The following MTMR11 variants were observed in gnomAD, a reference collection of about 807,000 sequenced individuals.
MTMR11 encodes myotubularin-related protein 11.
In MTMR11, 89 loss-of-function variants were observed where a neutral mutation model predicts 100.0. That is an observed-to-expected ratio of 0.89 (90% CI 0.75 to 1.06). The LOEUF (loss-of-function observed/expected upper bound fraction) is 1.06. Among genes scored for constraint, MTMR11 ranks in the 50% least tolerant of loss-of-function variants. The pLI is 0.00. For synonymous variants in MTMR11, 336 were observed against 326.3 expected, an observed-to-expected ratio of 1.03 and a Z score of -0.32; for missense variants, 809 against 873.7, an observed-to-expected ratio of 0.93 and a Z score of 0.93.
intron 10 of MTMR11, among the ~76,000 whole-genome samples, chr1:149,932,900 G>A (rs1157690098): frequency 2.6e-5 from 4 of 151,140 alleles, no homozygotes; most frequent in African/African-American, 4.9e-5. Context: ...GCAGTGAGCC[G>A]AGATCACGCC....
At chr1:149,933,776 C>T (rs1553768230) in intron 8 of MTMR11, 78 bp from the exon 9 acceptor site, 4 of 1,606,960 alleles carry the variant, frequency 2.5e-6, no homozygotes, top group South Asian at 1.1e-5. Flanking sequence ...ACTGACCTCA[C>T]AGAGGTTCCT....
Position 149,931,993 on chromosome 1 carries a change from A to G in MTMR11, c.1074T>C (p.Ser358=), listed in dbSNP as rs2092666317. The change falls in exon 12 of 17, where the codon AGT becomes AGC. Residue 358 remains serine, a synonymous_variant. Transcript: ENST00000439741. The stretch of plus-strand genomic sequence containing the variant: ...TGGATGTCACTAATACTGAAATGTC[A>G]CTGGCCTTTCGAAGACAAGCCCTGG... ...DYVRACLRKA[S]DISVLVTSRV... 1.2e-6 allele frequency: 2 copies of G among 1,613,890 alleles called. No homozygotes were observed.
chr1:149,930,722 TCAAGAC>T, intron 14 of MTMR11, 64 bp downstream of exon 14: 3 of 1,475,418 alleles, frequency 2.0e-6, no homozygotes, highest in Non-Finnish European at 1.8e-6. Flanking sequence ...ATAAAACAAA[TCAAGAC>T]CAAACTTCAG....
intron 10 of MTMR11, among the ~76,000 whole-genome samples, chr1:149,932,823 C>T (rs868952133): frequency 7.2e-5 from 11 of 151,746 alleles, no homozygotes; most frequent in Non-Finnish European, 1.0e-4. Context: ...TGGTGGCAGG[C>T]GCCTGTAATC....
At position 149,936,723 on chromosome 1, in the gene MTMR11, C is replaced by A; in HGVS notation, c.-76G>T. 1.0e-6 allele frequency: 1 copy of A among 1,002,746 alleles called. No homozygotes were observed. The highest frequency in any genetic ancestry group is 1.4e-5 in the South Asian group (1 of 72,982). 62.1% of individuals were successfully genotyped at this position (1,002,746 alleles called of 1,614,324 possible). On this transcript the variant is annotated 5_prime_UTR_variant, in exon 1 of 17. Transcript: ENST00000439741. ...GATGCTCACCCACCTCGGGGAGAGG[C>A]TGAGTCTTGTTGAGAAGAGGGGTGT...
intron 15 of MTMR11, 144 bp from the exon 16 acceptor site, chr1:149,930,060 A>G (rs921674944): frequency 7.5e-5 from 68 of 911,434 alleles, no homozygotes; most frequent in Non-Finnish European, 9.5e-5. Context: ...GAACTCTTCT[A>G]CCCTCCTCAT....
chr1:149,930,694 T>G (rs1399262896), intron 14 of MTMR11, 98 bp downstream of exon 14: 1 of 1,393,532 alleles, frequency 7.2e-7, no homozygotes, highest in Admixed American at 2.5e-5. Flanking sequence ...CCCTCCCCAC[T>G]CACAGACCTC....
At chr1:149,933,182 C>A (rs1393034965) in intron 10 of MTMR11, among the ~76,000 whole-genome samples, 2 of 151,920 alleles carry the variant, frequency 1.3e-5, no homozygotes, top group Non-Finnish European at 2.9e-5. Context: ...TCTTGAACTC[C>A]TGCCCTCAAG....
Position 149,933,630 on chromosome 1 carries a change from G to A in MTMR11, c.840C>T (p.Asp280=). 6.2e-7 allele frequency: 1 copy of A among 1,614,178 alleles called. No homozygotes were observed. The highest frequency in any genetic ancestry group is 8.5e-7 in the Non-Finnish European group (1 of 1,180,028). ...LRCGGFYTAS[D]PNKEDIRAVE... Reference sequence around the variant, plus strand: ...CTCACCTGATATCCTCCTTGTTAGGGTCACTGGCTGTATAGAAGCCTCCAC... The same window carrying A: ...CTCACCTGATATCCTCCTTGTTAGGATCACTGGCTGTATAGAAGCCTCCAC... The change falls in exon 9 of 17, where the codon GAC becomes GAT. Residue 280 remains aspartate (D), a synonymous_variant. Coordinates refer to ENST00000439741, the MANE Select transcript of MTMR11 (RefSeq NM_001145862.2).
rs1449086239 is a variant in MTMR11, at chr1:149,929,216, G to C, written c.2043C>G (p.His681Gln). 1 of 1,613,976 alleles carries C rather than the reference G, an allele frequency of 6.2e-7. No individual in the cohort carries two copies. Among genetic ancestry groups the C allele is most frequent in the Non-Finnish European group, 8.5e-7 (1 of 1,180,022 alleles). The change falls in exon 17 of 17, where the codon CAC becomes CAG. Residue 681 changes from histidine (H) to glutamine (Q), a missense_variant. Transcript: ENST00000439741. ...TGGTATGTGGATCTCTTTTCTTGGA[G>C]TGATCCTCAGGAGATATTCTTGGTG... ...KWTPRISPED[H>Q]SKKRDPHTIL...
chr1:149,929,447 C>A, intron 16 of MTMR11, 130 bp from the exon 17 acceptor site: 1 of 1,203,402 alleles, frequency 8.3e-7, no homozygotes, highest in Non-Finnish European at 1.2e-6. Flanking sequence ...TTAATCTAAG[C>A]CACAAGCACT....
rs145659444 is a variant in MTMR11 at position 149,930,450 on chromosome 1, C to T, written c.1562G>A (p.Arg521His). 5.5e-3 allele frequency: 8,815 copies of T among 1,614,038 alleles called. 44 individuals carry two copies. The highest frequency in any genetic ancestry group is 6.2e-3 in the Non-Finnish European group (7,348 of 1,179,968). ...LQLSVWDWDLRYSNAQILQFQ... is the reference protein window; with the variant it reads ...LQLSVWDWDLHYSNAQILQFQ... Reference sequence around the variant, plus strand: ...TTGTAGTATCTGTGCATTGCTATAACGTAAATCCCAGTCCCAGACAGACAG... The same window carrying T: ...TTGTAGTATCTGTGCATTGCTATAATGTAAATCCCAGTCCCAGACAGACAG... The change falls in exon 15 of 17, where the codon CGT (arginine) becomes CAT (histidine). Residue 521 changes from arginine to histidine, a missense_variant. By Grantham distance (29) the Arg-to-His change is conservative. Coordinates refer to ENST00000439741, the MANE Select transcript of MTMR11 (RefSeq NM_001145862.2).
At chr1:149,936,097 C>T (rs2092718187) in intron 2 of MTMR11, 57 bp downstream of exon 2, 1 of 1,556,178 alleles carries the variant, frequency 6.4e-7, no homozygotes, top group South Asian at 1.1e-5. Flanking sequence ...GGGCATGAAA[C>T]AAGATTGGCG....
Position 149,928,962 on chromosome 1 carries a change from G to A in MTMR11, c.*167C>T, listed in dbSNP as rs1224261459. On this transcript the variant is annotated 3_prime_UTR_variant, in exon 17 of 17. Transcript: ENST00000439741. ...TTCTTAATCCTTCAAATGACAAGAA[G>A]CAAAAATATTTGTAGAAACTAAGCA... The A allele has an allele frequency of 2.5e-6, 4 of 1,613,108 alleles. No individual in the cohort carries two copies. Among genetic ancestry groups the A allele is most frequent in the South Asian group, 1.1e-5 (1 of 90,982 alleles).
At chr1:149,934,074 G>A (rs1057459235) in intron 7 of MTMR11, 117 bp downstream of exon 7, 3 of 1,559,604 alleles carry the variant, frequency 1.9e-6, no homozygotes, top group Admixed American at 1.7e-5. Context: ...AGGCAAGGGA[G>A]ATAGCTTTGT....
rs1553768285 is a variant in MTMR11 at position 149,933,885 on chromosome 1, T to G, written c.741A>C (p.Ala247=). 4 of 1,614,080 alleles carry G rather than the reference T, an allele frequency of 2.5e-6. No individual in the cohort carries two copies. The highest frequency in any genetic ancestry group is 3.4e-6 in the Non-Finnish European group (4 of 1,180,014). The change falls in exon 8 of 17, where the codon GCA becomes GCC. Residue 247 remains alanine (A), a synonymous_variant. Transcript: ENST00000439741. ...CACGGCCCTGATGAAAGTGGCCAAATGCTCTCCTGACCTCACTGTCCAGAA... is the reference window on the plus strand; with the variant it reads ...CACGGCCCTGATGAAAGTGGCCAAAGGCTCTCCTGACCTCACTGTCCAGAA... ...NRILDSEVRR[A]FGHFHQGRGP...
In MTMR11 at chr1:149,928,945, C is replaced by T. The variant is rs2092616944; in HGVS notation, c.*184G>A. 1.9e-6 allele frequency: 3 copies of T among 1,613,888 alleles called. No individual in the cohort carries two copies. The highest frequency in any genetic ancestry group is 2.5e-6 in the Non-Finnish European group (3 of 1,179,934). Reference sequence around the variant, plus strand: ...TTCTGGATTGTTTTTGTTTCTTAATCCTTCAAATGACAAGAAGCAAAAATA... The same window carrying T: ...TTCTGGATTGTTTTTGTTTCTTAATTCTTCAAATGACAAGAAGCAAAAATA... On this transcript the variant is annotated 3_prime_UTR_variant, in exon 17 of 17. Coordinates refer to ENST00000439741, the MANE Select transcript of MTMR11 (RefSeq NM_001145862.2).
rs781983209 is a variant in MTMR11, at chr1:149,930,861, A to G, written c.1395T>C (p.Ser465=). Residue 465 remains serine, a synonymous_variant, in exon 14 of 17, where the codon AGT becomes AGC. Coordinates refer to ENST00000439741, the MANE Select transcript of MTMR11 (RefSeq NM_001145862.2). ...SEFFLLALHD[S]VRVPDTLTFL... ...AGGTAAGGGTGTCAGGAACCCTGAC[A>G]CTGTCATGAAGAGCAAGAAGGAAAA... 8.1e-6 allele frequency: 13 copies of G among 1,612,512 alleles called. No homozygotes were observed. Among genetic ancestry groups the G allele is most frequent in the East Asian group, 4.5e-5 (2 of 44,842 alleles).
intron 10 of MTMR11, among the ~76,000 whole-genome samples, 179 bp downstream of exon 10, chr1:149,933,227 A>G (rs1181575863): frequency 6.6e-6 from 1 of 152,010 alleles, no homozygotes; most frequent in Non-Finnish European, 1.5e-5. Flanking sequence ...TAGTGGTGGG[A>G]TTACAAGCGT....
Sources: allele counts gnomAD v4.1 joint callset (sites outside exome capture counted in the v4.1 genomes callset), GRCh38; gene constraint gnomAD v4.1.1; transcripts MANE v1.5; gene names NCBI Gene and HGNC (gene_info 2026-07-23, HGNC 2026-07-21).